Variants in S100A16 observed in about 807,000 individuals in gnomAD.
The protein encoded by S100A16 is protein S100-A16.
In S100A16, 8 loss-of-function variants were observed where a neutral mutation model predicts 9.0. That is an observed-to-expected ratio of 0.89 (90% CI 0.52 to 1.60). S100A16 has a LOEUF of 1.60. Ranked by LOEUF, S100A16 falls within the 40% of genes most tolerant of loss-of-function variation. The pLI, the probability that S100A16 is intolerant of heterozygous loss-of-function variation, is 0.00. For synonymous variants in S100A16, 51 were observed against 51.4 expected, an observed-to-expected ratio of 0.99 and a Z score of 0.04; for missense variants, 138 against 132.4, an observed-to-expected ratio of 1.04 and a Z score of -0.21.
chr1:153,608,586 A>AT (rs1265033333), intron 1 of S100A16, among the ~76,000 whole-genome samples: 1 of 152,004 alleles, frequency 6.6e-6, no homozygotes, highest in African/African-American at 2.4e-5. Flanking sequence ...GACAGCTGGG[A>AT]TGAGCCATGG....
At chr1:153,610,659 C>T (rs1212129792) in intron 1 of S100A16, among the ~76,000 whole-genome samples, 1 of 152,330 alleles carries the variant, frequency 6.6e-6, no homozygotes, top group African/African-American at 2.4e-5. Context: ...TCCCCACCTT[C>T]GGTAAAATGG....
intron 1 of S100A16, chr1:153,608,825 T>C: frequency 1.4e-6 from 1 of 697,522 alleles, no homozygotes; most frequent in African/African-American, 1.9e-5. Flanking sequence ...CACACCCTGC[T>C]AGCCTCTCCT....
chr1:153,612,317 C>A (rs1292476469), intron 1 of S100A16, among the ~76,000 whole-genome samples: 1 of 152,126 alleles, frequency 6.6e-6, no homozygotes, highest in Non-Finnish European at 1.5e-5. Flanking sequence ...AGGTTCAGCC[C>A]CCCTCTCTCT....
chr1:153,611,711 C>A (rs1666838134), intron 1 of S100A16, among the ~76,000 whole-genome samples: 1 of 152,116 alleles, frequency 6.6e-6, no homozygotes, highest in African/African-American at 2.4e-5. Flanking sequence ...ACTGGGCTGA[C>A]AATGCCACCT....
rs1666718051 is a variant in S100A16 at position 153,607,484 on chromosome 1, C to T, written c.*50G>A. The T allele has an allele frequency of 6.2e-7, 1 of 1,610,478 alleles. No individual in the cohort carries two copies. On this transcript the variant is annotated 3_prime_UTR_variant, in exon 3 of 3. Coordinates refer to ENST00000368706, the MANE Select transcript of S100A16 (RefSeq NM_080388.3). ...CTGAGGAGGGAGCCTGGGGAGAGCA[C>T]CAGGGCGGGGCATCAGGCCAGTGCC...
chr1:153,610,282 A>T (rs971632468), intron 1 of S100A16, among the ~76,000 whole-genome samples: 2 of 151,894 alleles, frequency 1.3e-5, no homozygotes, highest in African/African-American at 4.8e-5. Context: ...ATTCAGAGAA[A>T]CTCCCCACAC....
chr1:153,607,980 C>T lies in S100A16; in HGVS notation c.153+19G>A, dbSNP rs1393563531. 1.2e-6 allele frequency: 2 copies of T among 1,611,920 alleles called. No individual in the cohort carries two copies. The highest frequency in any genetic ancestry group is 1.7e-6 in the Non-Finnish European group (2 of 1,178,572). On this transcript the variant is annotated intron_variant, in intron 2 of 2. Coordinates refer to ENST00000368706, the MANE Select transcript of S100A16 (RefSeq NM_080388.3). ...GGGAAGGGGAGAGGGAGGCAAGGCCCTTGGGTGAGAGGCCTTACCGACAGC... is the reference window on the plus strand; with the variant it reads ...GGGAAGGGGAGAGGGAGGCAAGGCCTTTGGGTGAGAGGCCTTACCGACAGC...
rs1011355326 is a variant in S100A16, at chr1:153,613,107, C to T, written c.-182G>A. ...CCCAGCCCTGCCCGCTGAGCTGGCT[C>T]GGTGGGGAGATAGTGGCTGAGCTCC... is the stretch of plus-strand genomic sequence containing the variant. On this transcript the variant is annotated 5_prime_UTR_variant, in exon 1 of 3. Coordinates refer to ENST00000368706, the MANE Select transcript of S100A16 (RefSeq NM_080388.3). The T allele has an allele frequency of 1.3e-5, 2 of 152,438 alleles. No individual in the cohort carries two copies. Among genetic ancestry groups the T allele is most frequent in the African/African-American group, 2.4e-5 (1 of 41,434 alleles). 9.4% of individuals were successfully genotyped at this position (152,438 alleles called of 1,614,324 possible). A position where few individuals can be genotyped will look rare whatever the true frequency, so the allele number is the denominator to read the frequency against.
intron 1 of S100A16, among the ~76,000 whole-genome samples, chr1:153,610,142 C>T (rs1474973782): frequency 1.3e-5 from 2 of 152,222 alleles, no homozygotes; most frequent in Non-Finnish European, 2.9e-5. Context: ...GGTCTGTCTG[C>T]TGTGCTGCCC....
intron 1 of S100A16, among the ~76,000 whole-genome samples, chr1:153,611,317 G>C (rs975521245): frequency 6.7e-6 from 1 of 148,468 alleles, no homozygotes; most frequent in Non-Finnish European, 1.5e-5. Flanking sequence ...TCCGTCTGGA[G>C]CTCCAAACAT....
intron 1 of S100A16, 108 bp from the exon 2 acceptor site, chr1:153,608,285 T>A: frequency 3.3e-6 from 3 of 897,084 alleles, no homozygotes; most frequent in Non-Finnish European, 5.0e-6. Context: ...TTGTTTCTGG[T>A]CCCTGGAGAA....
intron 1 of S100A16, among the ~76,000 whole-genome samples, chr1:153,609,810 T>C (rs1403371306): frequency 6.6e-6 from 1 of 152,140 alleles, no homozygotes; most frequent in Non-Finnish European, 1.5e-5. Context: ...TTTTCTTTCA[T>C]GAAGCCTCTT....
Position 153,607,999 on chromosome 1 carries a change from C to G in S100A16, c.153G>C (p.Ser51=). The G allele has an allele frequency of 6.2e-7, 1 of 1,613,748 alleles. No homozygotes were observed. The highest frequency in any genetic ancestry group is 2.2e-5 in the East Asian group (1 of 44,882). ...MLQKELNHML[S]DTGNRKAADK... is the part of the protein sequence containing the mutation. Reference sequence around the variant, plus strand: ...AAGGCCCTTGGGTGAGAGGCCTTACCGACAGCATGTGGTTCAGCTCTTTCT... The same window carrying G: ...AAGGCCCTTGGGTGAGAGGCCTTACGGACAGCATGTGGTTCAGCTCTTTCT... The change falls in exon 2 of 3, where the codon TCG becomes TCC. Residue 51 remains serine, a splice_region_variant and synonymous_variant. Transcript: ENST00000368706.
At position 153,607,548 on chromosome 1, in the gene S100A16, G is replaced by C. The variant is rs1279688143; in HGVS notation, c.298C>G (p.Gln100Glu). The C allele has an allele frequency of 1.2e-6, 2 of 1,614,218 alleles. No homozygotes were observed. The highest frequency in any genetic ancestry group is 3.3e-5 in the Admixed American group (2 of 60,028). Residue 100 changes from glutamine (Q) to glutamate (E), a missense_variant, in exon 3 of 3, where the codon CAG becomes GAG. Physicochemically the swap from Gln to Glu is conservative, Grantham distance 29. Coordinates refer to ENST00000368706, the MANE Select transcript of S100A16 (RefSeq NM_080388.3). The part of the protein sequence containing the change: ...IAKLIHEQEQ[Q>E]SSS ...CAAAGGGGTCTCTAGCTGCTGCTCTGCTGCTCCTGCTCATGGATGAGTTTG... is the reference window on the plus strand; with the variant it reads ...CAAAGGGGTCTCTAGCTGCTGCTCTCCTGCTCCTGCTCATGGATGAGTTTG...
chr1:153,611,855 G>GT (rs1557914749), intron 1 of S100A16, among the ~76,000 whole-genome samples: 1 of 77,248 alleles, frequency 1.3e-5, no homozygotes, highest in Non-Finnish European at 3.0e-5. Flanking sequence ...GGGCCTGCTT[G>GT]GCCCTGCCTC....
chr1:153,607,718 G>A (rs761215347), intron 2 of S100A16, 26 bp from the exon 3 acceptor site: 1 of 1,613,788 alleles, frequency 6.2e-7, no homozygotes, highest in African/African-American at 1.3e-5. Context: ...GGTCAGCAAT[G>A]CTGATGGTGG....
intron 1 of S100A16, among the ~76,000 whole-genome samples, chr1:153,611,951 A>C (rs981902738): frequency 6.8e-6 from 1 of 147,270 alleles, no homozygotes; most frequent in Non-Finnish European, 1.5e-5. Context: ...ACACACACAC[A>C]CCGAGCAAGG....
chr1:153,608,355 C>T (rs984923498), intron 1 of S100A16, 178 bp from the exon 2 acceptor site: 11 of 593,682 alleles, frequency 1.9e-5, no homozygotes, highest in Non-Finnish European at 3.3e-5. Flanking sequence ...GGAATGAGAA[C>T]TATGCGGCTC....
intron 1 of S100A16, chr1:153,608,980 G>A (rs761371910): frequency 8.2e-5 from 81 of 985,648 alleles, no homozygotes; most frequent in African/African-American, 6.8e-4. Flanking sequence ...GGGCACATGC[G>A]TCACCCTCTC....
Sources: allele counts gnomAD v4.1 joint callset (sites outside exome capture counted in the v4.1 genomes callset), GRCh38; gene constraint gnomAD v4.1.1; transcripts MANE v1.5; gene names NCBI Gene and HGNC (gene_info 2026-07-23, HGNC 2026-07-21).